Variants in EPS15 observed in about 807,000 individuals in gnomAD.
The protein encoded by EPS15 is epidermal growth factor receptor pathway substrate 15.
A neutral mutation model predicts 113.8 loss-of-function variants in EPS15; 72 were observed. The observed-to-expected ratio is 0.63, with a 90% confidence interval of 0.52 to 0.77. The LOEUF is 0.77. EPS15 is among the 30% of genes least tolerant of loss of function. EPS15 has a pLI of 0.00. For missense variants in EPS15, 1,048 were observed against 1,045.8 expected (o/e 1.00, Z -0.03); for synonymous variants, 344 against 363.4 (o/e 0.95, Z 0.61).
At chr1:51,384,238 T>A (rs540367175) in intron 21 of EPS15, among the ~76,000 whole-genome samples, 1 of 151,900 alleles carries the variant, frequency 6.6e-6, no homozygotes, top group Non-Finnish European at 1.5e-5. Context: ...CATCCTAAAA[T>A]TCATATGGAA....
intron 21 of EPS15, among the ~76,000 whole-genome samples, chr1:51,383,085 T>C (rs1296881055): frequency 6.6e-6 from 1 of 152,228 alleles, no homozygotes; most frequent in Admixed American, 6.5e-5. Flanking sequence ...ACAAAAATCA[T>C]TCAATGTAAT....
chr1:51,475,199 T>C (rs1324433512), intron 2 of EPS15, among the ~76,000 whole-genome samples: 1 of 152,228 alleles, frequency 6.6e-6, no homozygotes, highest in Non-Finnish European at 1.5e-5. Context: ...ATATACTCAG[T>C]AATGGGACGG....
intron 21 of EPS15, among the ~76,000 whole-genome samples, chr1:51,380,058 A>AT (rs1491117159): frequency 5.9e-5 from 8 of 135,310 alleles, no homozygotes; most frequent in Non-Finnish European, 7.9e-5. Flanking sequence ...TGCTTCCAGG[A>AT]AAAAAAAAAA....
At chr1:51,501,099 T>C (rs773317936) in intron 1 of EPS15, among the ~76,000 whole-genome samples, 6 of 152,078 alleles carry the variant, frequency 3.9e-5, no homozygotes, top group African/African-American at 9.7e-5. Context: ...GAAAATTACA[T>C]GTTCCATAAA....
chr1:51,447,763 C>T (rs1653184993), intron 9 of EPS15, among the ~76,000 whole-genome samples: 1 of 152,150 alleles, frequency 6.6e-6, no homozygotes, highest in Non-Finnish European at 1.5e-5. Context: ...TGACCCAAGG[C>T]CTAATGTAGA....
intron 24 of EPS15, among the ~76,000 whole-genome samples, chr1:51,358,273 G>A (rs1557762581): frequency 6.6e-6 from 1 of 151,546 alleles, no homozygotes; most frequent in African/African-American, 2.4e-5. Context: ...CCAGATCGAC[G>A]GAGTGAGCCA....
At chr1:51,474,646 T>C (rs1019912876) in intron 2 of EPS15, among the ~76,000 whole-genome samples, 10 of 152,190 alleles carry the variant, frequency 6.6e-5, no homozygotes, top group African/African-American at 2.4e-4. Flanking sequence ...TAGTAGCCTC[T>C]GCTTTTGTAA....
At position 51,443,926 on chromosome 1, in the gene EPS15, G is replaced by A. The variant is rs142037955; in HGVS notation, c.954+963C>T. On this transcript the variant is annotated intron_variant, in intron 11 of 24. Transcript: ENST00000371733. ...GACTCACAAAATACTGGGTTTACAGGTGTGAGCCACTGTGCTTGGTCCCAA... is the reference window on the plus strand; with the variant it reads ...GACTCACAAAATACTGGGTTTACAGATGTGAGCCACTGTGCTTGGTCCCAA... 8.2e-3 allele frequency among the ~76,000 whole-genome samples: 1,252 copies of A among 152,216 alleles called. 9 individuals carry two copies. The highest frequency in any genetic ancestry group is 0.068 in the Middle Eastern group (20 of 294).
At chr1:51,358,572 G>A (rs960286366) in intron 24 of EPS15, among the ~76,000 whole-genome samples, 1 of 152,068 alleles carries the variant, frequency 6.6e-6, no homozygotes, top group African/African-American at 2.4e-5. Flanking sequence ...AACGTGTAAT[G>A]CTTAACCACA....
At chr1:51,446,453 CTTTTTT>C (rs370161989) in intron 10 of EPS15, among the ~76,000 whole-genome samples, 3 of 132,252 alleles carry the variant, frequency 2.3e-5, no homozygotes, top group African/African-American at 8.5e-5. Flanking sequence ...CACTGTCATT[CTTTTTT>C]TTTTTTTTTT....
intron 1 of EPS15, among the ~76,000 whole-genome samples, chr1:51,493,136 C>T (rs1263249416): frequency 1.3e-5 from 2 of 152,100 alleles, no homozygotes; most frequent in Admixed American, 6.6e-5. Flanking sequence ...CCAAGGCGGG[C>T]GAATCATGAG....
chr1:51,480,310 T>C (rs558509234), intron 2 of EPS15, among the ~76,000 whole-genome samples: 2 of 152,324 alleles, frequency 1.3e-5, no homozygotes, highest in African/African-American at 4.8e-5. Flanking sequence ...GCAAATAAGA[T>C]TGTCTACACC....
intron 2 of EPS15, among the ~76,000 whole-genome samples, chr1:51,477,617 T>C (rs1213644929): frequency 1.3e-5 from 2 of 152,186 alleles, no homozygotes; most frequent in East Asian, 1.9e-4. Context: ...CTCTACACAC[T>C]GCTTTGAATG....
At chr1:51,519,014 G>GGGCTCC (rs1374074345) in intron 1 of EPS15, among the ~76,000 whole-genome samples, 185 bp downstream of exon 1, 1 of 151,342 alleles carries the variant, frequency 6.6e-6, no homozygotes, top group Non-Finnish European at 1.5e-5. Context: ...GGCCGCAGGG[G>GGGCTCC]GGCTCCGGCT....
intron 1 of EPS15, among the ~76,000 whole-genome samples, chr1:51,515,258 T>A (rs572147954): frequency 5.5e-5 from 8 of 145,630 alleles, no homozygotes; most frequent in Admixed American, 2.1e-4. Flanking sequence ...TTTATTACTT[T>A]AAAAAAAAAA....
intron 1 of EPS15, among the ~76,000 whole-genome samples, chr1:51,512,997 T>TA (rs974535469): frequency 1.3e-5 from 2 of 151,826 alleles, no homozygotes; most frequent in South Asian, 2.1e-4. Context: ...CCCAGCTAAT[T>TA]AAAAAAAATT....
intron 13 of EPS15, 59 bp downstream of exon 13, chr1:51,421,727 A>C (rs1427397424): frequency 1.9e-6 from 2 of 1,041,892 alleles, no homozygotes; most frequent in African/African-American, 3.2e-5. Flanking sequence ...ATAACCATAT[A>C]AATTTAAAAT....
chr1:51,431,043 CTTAA>C (rs1397433271), intron 12 of EPS15, among the ~76,000 whole-genome samples: 35 of 149,542 alleles, frequency 2.3e-4, no homozygotes, highest in Non-Finnish European at 1.0e-4. Flanking sequence ...TAAAACTTGC[CTTAA>C]TTATATAATC....
intron 1 of EPS15, among the ~76,000 whole-genome samples, chr1:51,517,733 T>C (rs1451808051): frequency 6.6e-6 from 1 of 151,678 alleles, no homozygotes; most frequent in African/African-American, 2.4e-5. Context: ...TGTTAAAGGG[T>C]TCTCTGCTTG....
Sources: allele counts gnomAD v4.1 joint callset (sites outside exome capture counted in the v4.1 genomes callset), GRCh38; gene constraint gnomAD v4.1.1; transcripts MANE v1.5; gene names NCBI Gene and HGNC (gene_info 2026-07-23, HGNC 2026-07-21).